The following OXR1 variants were observed in gnomAD, a reference collection of about 807,000 sequenced individuals.
OXR1 encodes the protein oxidation resistance protein 1.
A neutral mutation model predicts 104.6 loss-of-function variants in OXR1; 41 were observed. The ratio of observed to expected loss-of-function variants is 0.39; its 90% CI spans 0.31 to 0.51. OXR1 has a LOEUF of 0.51. Among genes scored for constraint, OXR1 ranks in the 20% least tolerant of loss-of-function variants. OXR1 has a pLI of 0.77. For missense variants in OXR1, 955 were observed against 1,031.9 expected (o/e 0.93, Z 1.02); for synonymous variants, 348 against 348.4 (o/e 1.00, Z 0.01).
In OXR1 at chr8:106,683,773, A is replaced by C. The variant is rs546395253; in HGVS notation, c.411+467A>C. Among the ~76,000 whole-genome samples, 34 of 152,214 alleles carry C rather than the reference A, an allele frequency of 2.2e-4. No individual in the cohort carries two copies. The South Asian group carries it at 7.0e-3, about 32-fold the overall frequency. On this transcript the variant is annotated intron_variant, in intron 5 of 16. Coordinates refer to ENST00000517566, the MANE Select transcript of OXR1 (RefSeq NM_001198533.2). ...TCACAGTTCTAGTTCAGACTTTTTC[A>C]CGCGTGCATGGTATTACATTGTATT... is the stretch of plus-strand genomic sequence containing the variant.
At chr8:106,719,997 G>A (rs1192335641) in intron 11 of OXR1, among the ~76,000 whole-genome samples, 1 of 151,962 alleles carries the variant, frequency 6.6e-6, no homozygotes, top group Admixed American at 6.6e-5. Flanking sequence ...TAGTAGAGAC[G>A]GAGTTTCATC....
rs144535528 is a variant in OXR1 at position 106,356,281 on chromosome 8, C to G, written c.-138-3195C>G. Among the ~76,000 whole-genome samples, 20 of 152,240 alleles carry G rather than the reference C, an allele frequency of 1.3e-4. 2 individuals are homozygous for G. The highest frequency in any genetic ancestry group is 4.8e-4 in the African/African-American group (20 of 41,544). Reference sequence around the variant, plus strand: ...CAGGTGGTTGACACAAGATTTGCATCTCAAAGGGGCAGAGAATGGATTTAC... The same window carrying G: ...CAGGTGGTTGACACAAGATTTGCATGTCAAAGGGGCAGAGAATGGATTTAC... On this transcript the variant is annotated intron_variant, in intron 1 of 16. Coordinates refer to ENST00000517566, the MANE Select transcript of OXR1 (RefSeq NM_001198533.2).
intron 2 of OXR1, chr8:106,448,064 C>G (rs1317836002): frequency 6.5e-7 from 1 of 1,535,738 alleles, no homozygotes; most frequent in East Asian, 2.4e-5. Context: ...TGGGATCTAT[C>G]AGCCTCCATC....
In OXR1 at chr8:106,562,057, G is replaced by T. The variant is rs538290493; in HGVS notation, c.220+42918G>T. Among the ~76,000 whole-genome samples, 4 of 152,246 alleles carry T rather than the reference G, an allele frequency of 2.6e-5. No homozygotes were observed. The South Asian group carries it at 8.3e-4, about 32-fold the overall frequency. ...AGGCTAAAAATTCCAAATCCAGAATGCCTCTTCTTCTCCAAAGGATCACAA... is the reference window on the plus strand; with the variant it reads ...AGGCTAAAAATTCCAAATCCAGAATTCCTCTTCTTCTCCAAAGGATCACAA... On this transcript the variant is annotated intron_variant, in intron 3 of 16. Coordinates refer to ENST00000517566, the MANE Select transcript of OXR1 (RefSeq NM_001198533.2).
Position 106,657,881 on chromosome 8 carries a change from T to A in OXR1, c.221-21329T>A, listed in dbSNP as rs1586983507. ...CTCTTGTGAGGCGCGCGGAGCCGCC[T>A]CCCCTGGGTCAGGTCTGATGGGCCG... On this transcript the variant is annotated intron_variant, in intron 3 of 16. Transcript: ENST00000517566. 14 of 1,242,542 alleles carry A rather than the reference T, an allele frequency of 1.1e-5. 1 individual carries two copies. The East Asian group carries it at 2.5e-4, about 22-fold the overall frequency. The allele number at this position is 1,242,542 out of a possible 1,614,324, so 77.0% of individuals were successfully genotyped here.
At chr8:106,531,100 A>G (rs570114083) in intron 3 of OXR1, among the ~76,000 whole-genome samples, 1 of 152,340 alleles carries the variant, frequency 6.6e-6, no homozygotes, top group East Asian at 1.9e-4. Flanking sequence ...GAGAAAGCCC[A>G]TAATGTGTCC....
chr8:106,339,519 A>AAAAT (rs869120573), intron 1 of OXR1, among the ~76,000 whole-genome samples: 8 of 33,360 alleles, frequency 2.4e-4, no homozygotes, highest in East Asian at 1.8e-3. Context: ...AAAAAAAAAA[A>AAAAT]ATATATATAT....
intron 3 of OXR1, chr8:106,658,121 G>C: frequency 8.0e-7 from 1 of 1,246,982 alleles, no homozygotes; most frequent in East Asian, 3.2e-5. Context: ...AGCCAGCCCA[G>C]GGGGACCTCG....
intron 3 of OXR1, among the ~76,000 whole-genome samples, chr8:106,609,731 T>C (rs1820668742): frequency 6.6e-6 from 1 of 152,256 alleles, no homozygotes; most frequent in Non-Finnish European, 1.5e-5. Context: ...TATAAAAGAC[T>C]ACCCATATTT....
intron 7 of OXR1, among the ~76,000 whole-genome samples, chr8:106,701,443 A>G (rs1331493759): frequency 3.9e-5 from 6 of 152,224 alleles, no homozygotes; most frequent in African/African-American, 1.4e-4. Flanking sequence ...AAGTTGAACC[A>G]GGTGAATTCA....
At chr8:106,481,206 C>T (rs1459514121) in intron 2 of OXR1, among the ~76,000 whole-genome samples, 1 of 151,972 alleles carries the variant, frequency 6.6e-6, no homozygotes, top group East Asian at 1.9e-4. Flanking sequence ...GCCGTTGTCA[C>T]ACATAAGACC....
At chr8:106,332,418 C>T (rs1288285035) in intron 1 of OXR1, among the ~76,000 whole-genome samples, 1 of 151,912 alleles carries the variant, frequency 6.6e-6, no homozygotes, top group East Asian at 1.9e-4. Flanking sequence ...TTGCCAATGC[C>T]CAAGTAACTT....
chr8:106,436,247 T>A (rs1819561825), intron 2 of OXR1, among the ~76,000 whole-genome samples: 1 of 152,114 alleles, frequency 6.6e-6, no homozygotes, highest in African/African-American at 2.4e-5. Flanking sequence ...GGCATGAGGC[T>A]TCTATCAAGT....
chr8:106,317,330 C>T (rs1325708136), intron 1 of OXR1, among the ~76,000 whole-genome samples: 1 of 152,036 alleles, frequency 6.6e-6, no homozygotes, highest in Non-Finnish European at 1.5e-5. Flanking sequence ...ATTGGGATGA[C>T]CTAAATTTTG....
intron 7 of OXR1, 127 bp from the exon 8 acceptor site, chr8:106,702,779 G>A (rs1587156971): frequency 6.1e-6 from 4 of 651,158 alleles, no homozygotes; most frequent in Admixed American, 3.2e-5. Context: ...TCATGAGAAT[G>A]CCACAGTTCC....
At chr8:106,565,781 A>AT (rs1455751333) in intron 3 of OXR1, among the ~76,000 whole-genome samples, 2 of 152,190 alleles carry the variant, frequency 1.3e-5, no homozygotes, top group Non-Finnish European at 2.9e-5. Flanking sequence ...CAAAACAGGT[A>AT]TGTAGACCAA....
intron 11 of OXR1, among the ~76,000 whole-genome samples, chr8:106,730,427 C>T (rs1018425864): frequency 2.6e-5 from 4 of 151,768 alleles, no homozygotes; most frequent in South Asian, 4.1e-4. Context: ...TGGCACCCAC[C>T]GGTCTTTCCA....
At chr8:106,530,981 T>C (rs1490317231) in intron 3 of OXR1, among the ~76,000 whole-genome samples, 1 of 151,684 alleles carries the variant, frequency 6.6e-6, no homozygotes, top group Non-Finnish European at 1.5e-5. Flanking sequence ...AGTAAGGTTA[T>C]TTGTTAGTTT....
intron 3 of OXR1, among the ~76,000 whole-genome samples, chr8:106,594,049 G>T (rs1054990232): frequency 6.6e-6 from 1 of 152,210 alleles, no homozygotes; most frequent in Non-Finnish European, 1.5e-5. Context: ...TTAGGACACT[G>T]CAGTGCACCA....
Sources: gnomAD v4.1 joint callset for allele counts (sites outside exome capture counted in the v4.1 genomes callset) on GRCh38, gnomAD v4.1.1 for gene constraint, MANE v1.5 for transcripts, NCBI Gene and HGNC (gene_info 2026-07-23, HGNC 2026-07-21) for gene names.